Variants in MAX observed in about 807,000 individuals in gnomAD.
MAX encodes protein max.
A neutral mutation model predicts 22.3 loss-of-function variants in MAX; 3 were observed. That is an observed-to-expected ratio of 0.13 (90% confidence interval 0.06 to 0.35). MAX has a LOEUF of 0.35. Among genes scored for constraint, MAX ranks in the 10% least tolerant of loss-of-function variants. The probability of loss-of-function intolerance (pLI) is 1.00; values close to 1 mark genes in which losing one functional copy is unlikely to be tolerated. For synonymous variants in MAX, 72 were observed against 77.7 expected, an observed-to-expected ratio of 0.93 and a Z score of 0.39; for missense variants, 119 against 209.4, an observed-to-expected ratio of 0.57 and a Z score of 2.66.
chr14:65,101,886 C>T (rs1488954297), intron 1 of MAX, among the ~76,000 whole-genome samples: 2 of 152,214 alleles, frequency 1.3e-5, no homozygotes, highest in African/African-American at 2.4e-5. Flanking sequence ...CGCCCTTCCC[C>T]GGCCCCCAGG....
intron 3 of MAX, among the ~76,000 whole-genome samples, chr14:65,042,121 A>G (rs1391587368): frequency 1.3e-5 from 2 of 152,128 alleles, no homozygotes; most frequent in African/African-American, 4.8e-5. Flanking sequence ...CCTCTAACCC[A>G]CAGTAATAAT....
In MAX at chr14:65,075,729, C is replaced by T. The variant is rs1022365821; in HGVS notation, c.*747G>A. 1 of 1,066,410 alleles carries T rather than the reference C, an allele frequency of 9.4e-7. No homozygotes were observed. The highest frequency in any genetic ancestry group is 1.1e-6 in the Non-Finnish European group (1 of 879,838). 66.1% of individuals were successfully genotyped at this position (1,066,410 alleles called of 1,614,324 possible). ...TCCCTGTCCCAACCCCAAATGGCCA[C>T]TCCCTGGTGGCTGCTGCTTCACTGC... On this transcript the variant is annotated 3_prime_UTR_variant, in exon 5 of 5. Transcript: ENST00000358664. This position sits in a 1 kb window ranked among gnomAD's most constrained non-coding sequence, Gnocchi z 4.1.
chr14:65,049,359 T>G (rs901034777), intron 3 of MAX, among the ~76,000 whole-genome samples: 5 of 152,186 alleles, frequency 3.3e-5, no homozygotes, highest in African/African-American at 1.2e-4. Flanking sequence ...GAAAGACTTT[T>G]GATTTTTTTA....
Position 65,051,797 on chromosome 14 carries a change from A to ATT in MAX, c.171+41909_171+41910dup, listed in dbSNP as rs776155113. Among the ~76,000 whole-genome samples, 92 of 142,118 alleles carry ATT rather than the reference A, an allele frequency of 6.5e-4. 1 individual carries two copies. Among genetic ancestry groups the ATT allele is most frequent in the Admixed American group, 5.0e-3 (70 of 14,094 alleles). 93.2% of individuals were successfully genotyped at this position (142,118 alleles called of 152,430 possible). On this transcript the variant is annotated intron_variant, in intron 3 of 3. Transcript: ENST00000341653. ...AACTTTTATAATTTTCACCATAGGA[A>ATT]TTTTTTTTTTTTTTTGAGATGGAGT... is the stretch of plus-strand genomic sequence containing the variant.
rs370401848 is a variant in MAX, at chr14:65,032,748, C to T, written c.172-26464G>A. The T allele has an allele frequency of 2.6e-6, 4 of 1,552,782 alleles. No homozygotes were observed. The highest frequency in any genetic ancestry group is 2.8e-5 in the African/African-American group (2 of 72,362). On this transcript the variant is annotated intron_variant, in intron 3 of 3. Coordinates refer to the MAX transcript ENST00000341653. This position sits in a 1 kb window ranked among gnomAD's most constrained non-coding sequence, Gnocchi z 5.0. The stretch of plus-strand genomic sequence containing the variant: ...CCTCTTGGAGAGCAGGCGGTCACGA[C>T]ACTACTTCAGAAAAATAAAGAAAAT...
Position 65,082,784 on chromosome 14 carries a change from A to T in MAX, c.172-4748T>A, listed in dbSNP as rs980616852. ...CCCTGTATAAAAAAAAAAAAGTGAAAAATGGTAGTTTGTAATAGCAGGATA... is the reference window on the plus strand; with the variant it reads ...CCCTGTATAAAAAAAAAAAAGTGAATAATGGTAGTTTGTAATAGCAGGATA... On this transcript the variant is annotated intron_variant, in intron 3 of 4. Coordinates refer to ENST00000358664, the MANE Select transcript of MAX (RefSeq NM_002382.5). This position sits in a 1 kb window ranked among gnomAD's most constrained non-coding sequence, Gnocchi z 4.8. Among the ~76,000 whole-genome samples, 3 of 152,178 alleles carry T rather than the reference A, an allele frequency of 2.0e-5. No individual in the cohort carries two copies. The highest frequency in any genetic ancestry group is 7.2e-5 in the African/African-American group (3 of 41,440).
In MAX at chr14:65,031,550, T is replaced by A. The variant is rs2062083875; in HGVS notation, c.172-25266A>T. On this transcript the variant is annotated intron_variant, in intron 3 of 3. Transcript: ENST00000341653. This position sits in a 1 kb window ranked among gnomAD's most constrained non-coding sequence, Gnocchi z 4.6. ...TCAGGTTGGTCTTGAACTCCTGGCC[T>A]CGTGATCCACCTGCCTCAGCCTCCC... Among the ~76,000 whole-genome samples the A allele has an allele frequency of 6.6e-6, 1 of 150,826 alleles. No homozygotes were observed. Among genetic ancestry groups the A allele is most frequent in the Admixed American group, 6.6e-5 (1 of 15,202 alleles).
At chr14:65,016,710 G>A (rs1318457613) in intron 3 of MAX, among the ~76,000 whole-genome samples, 1 of 152,144 alleles carries the variant, frequency 6.6e-6, no homozygotes, top group Non-Finnish European at 1.5e-5. Flanking sequence ...CCTGGGCAGG[G>A]TGTCTTGTGA....
At chr14:65,092,261 C>T (rs758393662) in intron 3 of MAX, among the ~76,000 whole-genome samples, 1 of 152,050 alleles carries the variant, frequency 6.6e-6, no homozygotes, top group Non-Finnish European at 1.5e-5. Flanking sequence ...AGTAGTGAAT[C>T]GTATGTGGGT....
chr14:65,051,253 AC>A (rs975871698), intron 3 of MAX, among the ~76,000 whole-genome samples: 10 of 151,874 alleles, frequency 6.6e-5, no homozygotes, highest in African/African-American at 2.2e-4. Context: ...AACCTTGGAA[AC>A]CCTTTTCCTC....
intron 3 of MAX, among the ~76,000 whole-genome samples, chr14:65,057,912 G>A (rs185163386): frequency 4.8e-4 from 73 of 152,270 alleles, no homozygotes; most frequent in Non-Finnish European, 5.7e-4. Context: ...CCTTTGGTCT[G>A]TTTGCCTATC....
At chr14:65,037,799 G>T (rs2062246797) in intron 3 of MAX, among the ~76,000 whole-genome samples, 2 of 133,248 alleles carry the variant, frequency 1.5e-5, no homozygotes, top group South Asian at 2.4e-4. Flanking sequence ...TTTATTTATT[G>T]AGATGGTGCC....
At chr14:65,025,341 A>G (rs955867699) in intron 3 of MAX, among the ~76,000 whole-genome samples, 2 of 152,198 alleles carry the variant, frequency 1.3e-5, no homozygotes, top group Non-Finnish European at 2.9e-5. Context: ...ATGTGCTGTT[A>G]AGTTTTGTAT....
chr14:65,097,538 T>C (rs1177984902), intron 2 of MAX, among the ~76,000 whole-genome samples: 2 of 152,190 alleles, frequency 1.3e-5, no homozygotes. Context: ...TCAATTCTAA[T>C]ACAGAAAATT....
At chr14:65,097,704 C>G (rs2139925889) in intron 2 of MAX, among the ~76,000 whole-genome samples, 1 of 152,316 alleles carries the variant, frequency 6.6e-6, no homozygotes, top group East Asian at 1.9e-4. Flanking sequence ...CCAAAAATCT[C>G]ATCCGAAAAG....
At chr14:65,091,352 C>T (rs566225140) in intron 3 of MAX, among the ~76,000 whole-genome samples, 35 of 152,312 alleles carry the variant, frequency 2.3e-4, no homozygotes, top group African/African-American at 8.4e-4. Flanking sequence ...ACATTTCCTT[C>T]ATTCACTGTC....
chr14:65,057,925 C>T (rs1421532326), intron 3 of MAX, among the ~76,000 whole-genome samples: 3 of 152,148 alleles, frequency 2.0e-5, no homozygotes, highest in Non-Finnish European at 4.4e-5. Context: ...TGCCTATCTG[C>T]ACTCTTTTAA....
chr14:65,012,450 C>CAG lies in MAX; in HGVS notation c.172-6167_172-6166insCT. 6.2e-7 allele frequency: 1 copy of CAG among 1,605,020 alleles called. No individual in the cohort carries two copies. The highest frequency in any genetic ancestry group is 8.5e-7 in the Non-Finnish European group (1 of 1,173,392). The stretch of plus-strand genomic sequence containing the variant: ...TATCCACCAAATCCTCCTCCTTTTT[C>CAG]TATTTAAACGTAAAAGACTGTTGGG... On this transcript the variant is annotated intron_variant, in intron 3 of 3. Coordinates refer to the MAX transcript ENST00000341653. The surrounding 1 kb of genome is among the most constrained non-coding windows in gnomAD (Gnocchi z 5.0).
Position 65,079,546 on chromosome 14 carries a change from G to T in MAX, c.172-1510C>A, listed in dbSNP as rs1381450302. Among the ~76,000 whole-genome samples the T allele has an allele frequency of 1.3e-5, 2 of 152,222 alleles. No homozygotes were observed. Among genetic ancestry groups the T allele is most frequent in the African/African-American group, 4.8e-5 (2 of 41,450 alleles). On this transcript the variant is annotated intron_variant, in intron 3 of 4. Transcript: ENST00000358664. This position sits in a 1 kb window ranked among gnomAD's most constrained non-coding sequence, Gnocchi z 4.5. ...TACAAAGCCAAGCGAAGCTCAAGGCGGGGTAGCCTAGTAGCTTAAGTATGG... is the reference window on the plus strand; with the variant it reads ...TACAAAGCCAAGCGAAGCTCAAGGCTGGGTAGCCTAGTAGCTTAAGTATGG...
Sources: gnomAD v4.1 joint callset for allele counts (sites outside exome capture counted in the v4.1 genomes callset) on GRCh38, gnomAD v4.1.1 for gene constraint, Gnocchi (gnomAD v3.1) non-coding constraint, MANE v1.5 for transcripts, NCBI Gene and HGNC (gene_info 2026-07-23, HGNC 2026-07-21) for gene names.